PPFIA2: variants seen among roughly 807,000 people sequenced by gnomAD.
PPFIA2 encodes PPFI scaffold protein A2, also known as liprin-alpha-2.
PPFIA2 carries 46 observed loss-of-function variants against 175.5 expected under a neutral mutation model. The ratio of observed to expected loss-of-function variants is 0.26; its 90% confidence interval spans 0.21 to 0.34. The LOEUF is 0.34. Among genes scored for constraint, PPFIA2 ranks in the 10% least tolerant of loss-of-function variants. The pLI, the probability that PPFIA2 is intolerant of heterozygous loss-of-function variation, is 1.00. For missense variants in PPFIA2, 1,179 were observed against 1,506.1 expected, an observed-to-expected ratio of 0.78 and a Z score of 3.60; for synonymous variants, 568 against 511.4, an observed-to-expected ratio of 1.11 and a Z score of -1.49.
intron 4 of PPFIA2, among the ~76,000 whole-genome samples, chr12:81,604,690 G>A (rs377085839): frequency 6.6e-6 from 1 of 151,596 alleles, no homozygotes. Flanking sequence ...ACCACTTTAC[G>A]TGAAGGGTAA....
chr12:81,472,024 T>C (rs1328038304), intron 4 of PPFIA2, among the ~76,000 whole-genome samples: 2 of 152,038 alleles, frequency 1.3e-5, no homozygotes, highest in African/African-American at 4.8e-5. Flanking sequence ...TATTCAACAA[T>C]AAAAAGAAAT....
chr12:81,579,018 T>C (rs1199059714), intron 4 of PPFIA2, among the ~76,000 whole-genome samples: 1 of 151,816 alleles, frequency 6.6e-6, no homozygotes, highest in African/African-American at 2.4e-5. Flanking sequence ...TAGAATAAGA[T>C]TGCCAATTTT....
chr12:81,439,172 T>C (rs2049662788), intron 7 of PPFIA2, among the ~76,000 whole-genome samples: 1 of 149,808 alleles, frequency 6.7e-6, no homozygotes, highest in Non-Finnish European at 1.5e-5. Flanking sequence ...TCTCCCTCTC[T>C]CTCTCTCTCT....
intron 24 of PPFIA2, among the ~76,000 whole-genome samples, chr12:81,294,409 G>T (rs1298414743): frequency 6.7e-6 from 1 of 149,248 alleles, no homozygotes; most frequent in Non-Finnish European, 1.5e-5. Flanking sequence ...AAGGAAGGAA[G>T]GAAGAAGGGA....
intron 3 of PPFIA2, among the ~76,000 whole-genome samples, chr12:81,732,415 G>T (rs374655698): frequency 6.6e-6 from 1 of 150,620 alleles, no homozygotes. Context: ...CAAGGACAGA[G>T]AAGTATTCAA....
chr12:81,305,905 C>G (rs2049020635), intron 22 of PPFIA2, among the ~76,000 whole-genome samples: 1 of 152,168 alleles, frequency 6.6e-6, no homozygotes, highest in South Asian at 2.1e-4. Context: ...CCATAGGGAA[C>G]AGTATGTCTC....
chr12:81,446,618 C>T (rs546891805), intron 5 of PPFIA2, among the ~76,000 whole-genome samples: 100 of 152,148 alleles, frequency 6.6e-4, no homozygotes, highest in Non-Finnish European at 6.3e-4. Flanking sequence ...GAAAGGTCTT[C>T]GGAAGCATAG....
At chr12:81,601,507 TTC>T (rs1328885988) in intron 4 of PPFIA2, among the ~76,000 whole-genome samples, 1 of 151,964 alleles carries the variant, frequency 6.6e-6, no homozygotes, top group African/African-American at 2.4e-5. Context: ...ATGGAAAAGT[TTC>T]TGTCTCACTA....
intron 4 of PPFIA2, among the ~76,000 whole-genome samples, chr12:81,519,958 A>T (rs1031404309): frequency 2.0e-5 from 3 of 152,218 alleles, no homozygotes; most frequent in African/African-American, 4.8e-5. Flanking sequence ...ATAAAATAGG[A>T]CAATTATAAC....
intron 4 of PPFIA2, among the ~76,000 whole-genome samples, chr12:81,573,508 A>C (rs1289952125): frequency 6.6e-6 from 1 of 151,926 alleles, no homozygotes; most frequent in Non-Finnish European, 1.5e-5. Flanking sequence ...GTACATTCTC[A>C]AAGAAGGAAC....
chr12:81,570,679 A>C (rs1015836007), intron 4 of PPFIA2, among the ~76,000 whole-genome samples: 1 of 148,876 alleles, frequency 6.7e-6, no homozygotes, highest in Admixed American at 6.9e-5. Context: ...TCATTCCTTT[A>C]AAAAATAATT....
At chr12:81,422,360 T>A (rs1197010588) in intron 7 of PPFIA2, among the ~76,000 whole-genome samples, 1 of 152,006 alleles carries the variant, frequency 6.6e-6, no homozygotes, top group Non-Finnish European at 1.5e-5. Context: ...CAGCAAAGCA[T>A]TCACCCTGCT....
chr12:81,412,954 T>A (rs184687570), intron 7 of PPFIA2, among the ~76,000 whole-genome samples: 25 of 152,012 alleles, frequency 1.6e-4, no homozygotes, highest in African/African-American at 5.5e-4. Context: ...AGTTTTTATA[T>A]TCACCTGGGT....
intron 4 of PPFIA2, among the ~76,000 whole-genome samples, chr12:81,618,044 T>C (rs915927179): frequency 1.2e-4 from 18 of 152,156 alleles, no homozygotes; most frequent in Non-Finnish European, 5.9e-5. Flanking sequence ...GCATTTGCAG[T>C]TGCTGATTTT....
At chr12:81,507,353 AT>A (rs1207561259) in intron 4 of PPFIA2, among the ~76,000 whole-genome samples, 6 of 152,246 alleles carry the variant, frequency 3.9e-5, no homozygotes, top group South Asian at 4.1e-4. Context: ...ATAAAGCAGT[AT>A]TTTTTTCAAT....
intron 14 of PPFIA2, among the ~76,000 whole-genome samples, chr12:81,365,102 T>C (rs2141314479): frequency 6.6e-6 from 1 of 151,876 alleles, no homozygotes; most frequent in African/African-American, 2.4e-5. Flanking sequence ...AGATGGTGTT[T>C]AAATCCAGGA....
chr12:81,375,058 G>A (rs2036042384), intron 10 of PPFIA2, among the ~76,000 whole-genome samples: 1 of 152,062 alleles, frequency 6.6e-6, no homozygotes, highest in African/African-American at 2.4e-5. Context: ...TCAGTACTAA[G>A]ACATCAGATA....
chr12:81,344,630 C>A, intron 19 of PPFIA2, 34 bp downstream of exon 19: 1 of 1,458,612 alleles, frequency 6.9e-7, no homozygotes, highest in Non-Finnish European at 9.3e-7. Flanking sequence ...AAACAGTATT[C>A]AATTCGTAAT....
At chr12:81,561,618 A>C (rs183071227) in intron 4 of PPFIA2, among the ~76,000 whole-genome samples, 2 of 152,288 alleles carry the variant, frequency 1.3e-5, no homozygotes, top group Admixed American at 6.5e-5. Context: ...CTGATAAATA[A>C]ATTTTATATT....
Sources: gnomAD v4.1 joint callset for allele counts (sites outside exome capture counted in the v4.1 genomes callset) on GRCh38, gnomAD v4.1.1 for gene constraint, MANE v1.5 for transcripts, NCBI Gene and HGNC (gene_info 2026-07-23, HGNC 2026-07-21) for gene names.